The following TPPP variants were observed in gnomAD, a reference collection of about 807,000 sequenced individuals.
TPPP encodes tubulin polymerization-promoting protein.
A neutral mutation model predicts 15.5 loss-of-function variants in TPPP; 6 were observed. The ratio of observed to expected loss-of-function variants is 0.39; its 90% CI spans 0.21 to 0.77. TPPP has a LOEUF of 0.77. TPPP is among the 30% of genes least tolerant of loss of function. The pLI, the probability that TPPP is intolerant of heterozygous loss-of-function variation, is 0.42. For synonymous variants in TPPP, 146 were observed against 133.9 expected, an observed-to-expected ratio of 1.09 and a Z score of -0.63; for missense variants, 269 against 307.2, an observed-to-expected ratio of 0.88 and a Z score of 0.93.
chr5:675,377 G>A (rs1349937006), intron 2 of TPPP, among the ~76,000 whole-genome samples: 9 of 107,474 alleles, frequency 8.4e-5, no homozygotes, highest in African/African-American at 3.0e-4. Flanking sequence ...GTGGCCGGGG[G>A]TGCAGCGCAG....
At chr5:676,934 G>A (rs1446643278) in intron 2 of TPPP, among the ~76,000 whole-genome samples, 4 of 147,710 alleles carry the variant, frequency 2.7e-5, no homozygotes, top group Non-Finnish European at 4.5e-5. Flanking sequence ...ACGCACGCGC[G>A]CACACGACGC....
At chr5:683,111 G>C (rs1740671514) in intron 1 of TPPP, among the ~76,000 whole-genome samples, 1 of 151,874 alleles carries the variant, frequency 6.6e-6, no homozygotes, top group Non-Finnish European at 1.5e-5. Context: ...GCCACCAGCA[G>C]CTTCTCCAGC....
At chr5:682,575 G>T (rs1298899037) in intron 1 of TPPP, among the ~76,000 whole-genome samples, 1 of 149,016 alleles carries the variant, frequency 6.7e-6, no homozygotes, top group Non-Finnish European at 1.5e-5. Flanking sequence ...AGGGCCAGGG[G>T]TCTGCCCCTT....
intron 2 of TPPP, among the ~76,000 whole-genome samples, chr5:676,973 G>A (rs533283953): frequency 1.5e-4 from 21 of 142,934 alleles, no homozygotes; most frequent in Non-Finnish European, 3.3e-4. Flanking sequence ...ACACAGAAAC[G>A]CACACACGAC....
At chr5:675,285 G>T (rs1437217199) in intron 2 of TPPP, among the ~76,000 whole-genome samples, 1 of 120,438 alleles carries the variant, frequency 8.3e-6, no homozygotes, top group Non-Finnish European at 1.7e-5. Flanking sequence ...AGGGGGTTCA[G>T]TGTGGCCAGG....
chr5:666,166 C>G (rs749320907), intron 2 of TPPP, 43 bp from the exon 3 acceptor site: 6 of 1,549,900 alleles, frequency 3.9e-6, no homozygotes, highest in Admixed American at 1.8e-5. Flanking sequence ...CGGGCCGGCC[C>G]AGGGCTGCCC....
chr5:685,946 C>T (rs921134730), intron 1 of TPPP, among the ~76,000 whole-genome samples: 3 of 152,172 alleles, frequency 2.0e-5, no homozygotes, highest in Non-Finnish European at 4.4e-5. Flanking sequence ...CCACAGACGC[C>T]GGGGCTGCCA....
chr5:692,432 A>T (rs1740910951), intron 1 of TPPP: 2 of 522,158 alleles, frequency 3.8e-6, no homozygotes, highest in Admixed American at 1.6e-4. Context: ...CCAACCCCGT[A>T]TCAAAATAGC....
chr5:677,527 G>A (rs1039302845), intron 2 of TPPP, among the ~76,000 whole-genome samples: 1 of 152,152 alleles, frequency 6.6e-6, no homozygotes, highest in African/African-American at 2.4e-5. Context: ...TGCCACTCAG[G>A]CCTCGGCACC....
At chr5:668,560 C>T (rs557723761) in intron 2 of TPPP, among the ~76,000 whole-genome samples, 28 of 152,282 alleles carry the variant, frequency 1.8e-4, no homozygotes, top group Middle Eastern at 3.4e-3. Context: ...AATAAACTGC[C>T]GGCACCTCGA....
intron 1 of TPPP, among the ~76,000 whole-genome samples, chr5:681,873 A>G (rs1740634490): frequency 6.6e-6 from 1 of 152,156 alleles, no homozygotes; most frequent in Non-Finnish European, 1.5e-5. Context: ...TGTCCTAGGG[A>G]ACGAAGCCTC....
chr5:679,103 G>T (rs1238235857), intron 1 of TPPP, among the ~76,000 whole-genome samples: 1 of 152,196 alleles, frequency 6.6e-6, no homozygotes, highest in East Asian at 1.9e-4. Flanking sequence ...ACACAGGTAG[G>T]TGTCCCAACC....
chr5:682,406 C>A, intron 1 of TPPP, among the ~76,000 whole-genome samples: 1 of 149,674 alleles, frequency 6.7e-6, no homozygotes, highest in Admixed American at 6.6e-5. Flanking sequence ...GTTACTAGGA[C>A]CTGGGGTCTG....
chr5:671,447 T>C (rs956272300), intron 2 of TPPP, among the ~76,000 whole-genome samples: 2 of 152,178 alleles, frequency 1.3e-5, no homozygotes, highest in African/African-American at 4.8e-5. Flanking sequence ...TCTGTGCACC[T>C]GAAGTCAGTT....
At chr5:665,512 A>G (rs936882433) in intron 3 of TPPP, among the ~76,000 whole-genome samples, 1 of 152,040 alleles carries the variant, frequency 6.6e-6, no homozygotes, top group African/African-American at 2.4e-5. Context: ...ACAATTGCCC[A>G]GGTCCACCTG....
At chr5:674,303 C>G (rs1740329581) in intron 2 of TPPP, among the ~76,000 whole-genome samples, 1 of 152,184 alleles carries the variant, frequency 6.6e-6, no homozygotes, top group Non-Finnish European at 1.5e-5. Context: ...GAGCACGGGG[C>G]TGGGTCCCCT....
upstream of TPPP, among the ~76,000 whole-genome samples, chr5:697,352 A>G (rs1035920207): frequency 1.4e-5 from 2 of 145,638 alleles, no homozygotes; most frequent in African/African-American, 2.5e-5. Context: ...AGCCATCGCT[A>G]CCTCAGTTCC....
chr5:678,508 C>G (rs1740526857), intron 1 of TPPP, among the ~76,000 whole-genome samples: 1 of 143,966 alleles, frequency 6.9e-6, no homozygotes, highest in African/African-American at 2.9e-5. Context: ...ACCTCGGGAT[C>G]ACGCACTCCC....
chr5:660,698 C>G lies in TPPP; in HGVS notation c.*4404G>C, dbSNP rs1013630215. 2.6e-5 allele frequency: 4 copies of G among 152,308 alleles called. No individual in the cohort carries two copies. Among genetic ancestry groups the G allele is most frequent in the African/African-American group, 7.2e-5 (3 of 41,456 alleles). 9.4% of individuals were successfully genotyped at this position (152,308 alleles called of 1,614,324 possible). On this transcript the variant is annotated 3_prime_UTR_variant, in exon 4 of 4. Transcript: ENST00000360578. ...ACTCCTCCCCACTCCACTTGTACAG[C>G]AGGAGCCACAGGCCTGTGTGAAAAC...
Sources: allele counts gnomAD v4.1 joint callset (sites outside exome capture counted in the v4.1 genomes callset), GRCh38; gene constraint gnomAD v4.1.1; transcripts MANE v1.5; gene names NCBI Gene and HGNC (gene_info 2026-07-23, HGNC 2026-07-21).